TENM2: variants seen among roughly 807,000 people sequenced by gnomAD.
The protein encoded by TENM2 is teneurin transmembrane protein 2.
TENM2 carries 52 observed loss-of-function variants against 245.2 expected under a neutral mutation model. That is an observed-to-expected ratio of 0.21 (90% confidence interval 0.17 to 0.27). The LOEUF (loss-of-function observed/expected upper bound fraction) is 0.27, where lower values mean the gene tolerates loss of function less well. Among genes scored for constraint, TENM2 ranks in the 10% least tolerant of loss-of-function variants. The pLI, the probability that TENM2 is intolerant of heterozygous loss-of-function variation, is 1.00. For missense variants in TENM2, 3,046 were observed against 3,666.8 expected (o/e 0.83, Z 4.37); for synonymous variants, 1,363 against 1,438.9 (o/e 0.95, Z 1.19).
intron 2 of TENM2, among the ~76,000 whole-genome samples, chr5:167,595,921 T>C (rs1776174286): frequency 6.6e-6 from 1 of 152,152 alleles, no homozygotes; most frequent in Non-Finnish European, 1.5e-5. Context: ...AGCATGGGGA[T>C]TACTGGAAAG....
At chr5:167,325,327 A>G (rs1757015899) in intron 1 of TENM2, among the ~76,000 whole-genome samples, 2 of 152,228 alleles carry the variant, frequency 1.3e-5, no homozygotes, top group Admixed American at 6.5e-5. Context: ...ATAAGTAAAT[A>G]CGGTTTAAAT....
chr5:167,272,060 C>A, the TENM2 span, among the ~76,000 whole-genome samples: 2 of 152,080 alleles, frequency 1.3e-5, no homozygotes, highest in African/African-American at 4.8e-5. Flanking sequence ...TAAGAGGAGA[C>A]TGGAAATCTT....
At chr5:167,461,757 G>A (rs572977472) in intron 2 of TENM2, among the ~76,000 whole-genome samples, 1 of 152,214 alleles carries the variant, frequency 6.6e-6, no homozygotes, top group South Asian at 2.1e-4. Context: ...ATAAGCAAAT[G>A]CATCACTATT....
chr5:167,934,867 A>G, intron 3 of TENM2: 5 of 985,556 alleles, frequency 5.1e-6, no homozygotes, highest in Non-Finnish European at 6.0e-6. Context: ...GGCTTAGCTT[A>G]GTACGCGTTC....
intron 1 of TENM2, among the ~76,000 whole-genome samples, chr5:167,325,284 A>G (rs1489960776): frequency 6.6e-6 from 1 of 152,200 alleles, no homozygotes; most frequent in Non-Finnish European, 1.5e-5. Flanking sequence ...GCCGACAAGA[A>G]TTTATACTCA....
intron 2 of TENM2, among the ~76,000 whole-genome samples, chr5:167,533,454 G>GT (rs1002834686): frequency 2.0e-5 from 3 of 151,880 alleles, no homozygotes; most frequent in Non-Finnish European, 2.9e-5. Context: ...TTTGTTTGTT[G>GT]TTTTTTTGAG....
intron 2 of TENM2, among the ~76,000 whole-genome samples, chr5:167,823,016 T>C (rs1767660205): frequency 6.6e-6 from 1 of 152,174 alleles, no homozygotes; most frequent in Non-Finnish European, 1.5e-5. Context: ...AAAAAATAGG[T>C]AAATGTATCC....
chr5:167,610,403 G>A (rs978043931), intron 2 of TENM2, among the ~76,000 whole-genome samples: 2 of 152,054 alleles, frequency 1.3e-5, no homozygotes, highest in African/African-American at 4.8e-5. Flanking sequence ...CAGGGGTTGG[G>A]GGTGAGGCTA....
chr5:167,043,849 G>A, the TENM2 span, among the ~76,000 whole-genome samples: 3 of 151,952 alleles, frequency 2.0e-5, no homozygotes, highest in East Asian at 1.9e-4. Context: ...TGGTGAAACC[G>A]TCTCTACTAA....
At chr5:168,033,981 C>T (rs573662384) in intron 5 of TENM2, among the ~76,000 whole-genome samples, 3 of 150,514 alleles carry the variant, frequency 2.0e-5, no homozygotes, top group Non-Finnish European at 3.0e-5. Context: ...GAGCCAAGAT[C>T]GCCCCACTGC....
rs1280961474 is a variant in TENM2 at position 168,244,401 on chromosome 5, G to A, written c.5521-19G>A. 2.7e-6 allele frequency: 4 copies of A among 1,504,476 alleles called. No homozygotes were observed. The highest frequency in any genetic ancestry group is 4.8e-5 in the East Asian group (2 of 41,674). The allele number at this position is 1,504,476 out of a possible 1,614,324, so 93.2% of individuals were successfully genotyped here. A position where few individuals can be genotyped will look rare whatever the true frequency, so the allele number is the denominator to read the frequency against. On this transcript the variant is annotated intron_variant, in intron 25 of 28. Transcript: ENST00000518659. The surrounding 1 kb of genome is among the most constrained non-coding windows in gnomAD (Gnocchi z 4.9). Reference sequence around the variant, plus strand: ...GCCTGGGTGATGTCTTTCAAACAAGGCCTGTTGTGTTTTCCTAGGTCCATG... The same window carrying A: ...GCCTGGGTGATGTCTTTCAAACAAGACCTGTTGTGTTTTCCTAGGTCCATG...
the TENM2 span, among the ~76,000 whole-genome samples, chr5:167,027,423 A>G: frequency 6.6e-6 from 1 of 152,160 alleles, no homozygotes; most frequent in Non-Finnish European, 1.5e-5. Context: ...CATCTGGTAA[A>G]GCTCATGAAA....
At chr5:167,344,309 C>CACATATAT (rs1554136979) in intron 1 of TENM2, among the ~76,000 whole-genome samples, 25 of 84,496 alleles carry the variant, frequency 3.0e-4, no homozygotes, top group African/African-American at 7.5e-4. Flanking sequence ...CACACACACA[C>CACATATAT]ATATATATAT....
chr5:167,769,721 T>A (rs1317958046), intron 2 of TENM2, among the ~76,000 whole-genome samples: 1 of 152,196 alleles, frequency 6.6e-6, no homozygotes, highest in Non-Finnish European at 1.5e-5. Flanking sequence ...CTGGGCTCAA[T>A]TAAAATATGT....
chr5:167,312,842 G>A (rs764372368), intron 1 of TENM2, among the ~76,000 whole-genome samples: 3 of 151,446 alleles, frequency 2.0e-5, no homozygotes, highest in African/African-American at 7.3e-5. Context: ...CTTCCAGACC[G>A]GACCCTGGCA....
At chr5:167,838,283 C>G (rs1260757941) in intron 2 of TENM2, among the ~76,000 whole-genome samples, 3 of 152,166 alleles carry the variant, frequency 2.0e-5, no homozygotes, top group African/African-American at 7.2e-5. Flanking sequence ...AATGTTCCAG[C>G]CGAGATATTT....
intron 12 of TENM2, chr5:168,149,492 C>T (rs1375676011): frequency 1.5e-5 from 6 of 411,398 alleles, no homozygotes; most frequent in Non-Finnish European, 2.8e-5. Context: ...CTAAAGCCTT[C>T]CCTTTCCGAG....
At chr5:167,973,854 G>A (rs994169561) in intron 4 of TENM2, among the ~76,000 whole-genome samples, 2 of 152,072 alleles carry the variant, frequency 1.3e-5, no homozygotes, top group African/African-American at 2.4e-5. Flanking sequence ...TTCAGTGTGG[G>A]ATGGGGAGCC....
At chr5:167,027,453 A>G in the TENM2 span, among the ~76,000 whole-genome samples, 2 of 152,214 alleles carry the variant, frequency 1.3e-5, no homozygotes, top group Non-Finnish European at 2.9e-5. Context: ...ATTAGCATTT[A>G]GTTTATATCT....
Sources: gnomAD v4.1 joint callset for allele counts (sites outside exome capture counted in the v4.1 genomes callset) on GRCh38, gnomAD v4.1.1 for gene constraint, Gnocchi (gnomAD v3.1) non-coding constraint, MANE v1.5 for transcripts, NCBI Gene and HGNC (gene_info 2026-07-23, HGNC 2026-07-21) for gene names.